The following SSPN variants were observed in gnomAD, a reference collection of about 807,000 sequenced individuals.
The protein encoded by SSPN is K-ras oncogene-associated protein.
In SSPN, 15 loss-of-function variants were observed where a neutral mutation model predicts 19.1. The observed-to-expected ratio is 0.78, with a 90% CI of 0.52 to 1.21. The LOEUF is 1.21. SSPN is among the 50% of genes most tolerant of loss of function. The probability of loss-of-function intolerance (pLI) is 0.00; values close to 1 mark genes in which losing one functional copy is unlikely to be tolerated. For synonymous variants in SSPN, 147 were observed against 140.3 expected (o/e 1.05, Z -0.34); for missense variants, 291 against 314.0 (o/e 0.93, Z 0.55).
chr12:26,172,927 A>AT lies in SSPN; in HGVS notation c.-31+50780dup, dbSNP rs542002426. ...AATCTCCTATGTTGATTAGCTTCCA[A>AT]TTTTTATTTTATAGATACAATATCT... On this transcript the variant is annotated intron_variant, in intron 1 of 2. Transcript: ENST00000538142. Among the ~76,000 whole-genome samples the AT allele has an allele frequency of 3.5e-4, 53 of 152,020 alleles. 1 individual carries two copies. The South Asian group carries it at 0.011, about 30-fold the overall frequency.
rs1188845247 is a variant in SSPN, at chr12:26,135,057, C to A, written c.-31+12905C>A. On this transcript the variant is annotated intron_variant, in intron 1 of 2. Coordinates refer to the SSPN transcript ENST00000538142. ...TAAGTTGAGTTTCTCACTTGCAGAA[C>A]TTTTACTTCCTTTCGCAGTGTGCAT... The A allele has an allele frequency of 2.0e-5, 3 of 152,254 alleles. No individual in the cohort carries two copies. The East Asian group carries it at 5.8e-4, about 29-fold the overall frequency. 9.4% of individuals were successfully genotyped at this position (152,254 alleles called of 1,614,324 possible).
intron 1 of SSPN, chr12:26,126,517 T>A (rs1591841130): frequency 6.6e-6 from 1 of 152,200 alleles, no homozygotes; most frequent in Non-Finnish European, 1.5e-5. Flanking sequence ...GCCCGCTACG[T>A]GTCCCCCGGC....
intron 1 of SSPN, chr12:26,126,446 G>A (rs948218333): frequency 2.0e-5 from 3 of 152,254 alleles, no homozygotes; most frequent in African/African-American, 7.2e-5. Context: ...CCGGTGATAA[G>A]TGAACCGAGG....
intron 1 of SSPN, among the ~76,000 whole-genome samples, chr12:26,150,479 C>T (rs140620250): frequency 1.6e-3 from 242 of 152,298 alleles, no homozygotes; most frequent in Non-Finnish European, 2.5e-3. Context: ...GGAATGACTA[C>T]ATTGTTTCTT....
In SSPN at chr12:26,137,618, A is replaced by ATGTG. The variant is rs1239619291; in HGVS notation, c.-31+15478_-31+15481dup. On this transcript the variant is annotated intron_variant, in intron 1 of 2. Coordinates refer to the SSPN transcript ENST00000538142. Reference sequence around the variant, plus strand: ...TATATATATACACATATACATATATATGTGTGTGTGTGTGTATGTATATAT... The same window carrying ATGTG: ...TATATATATACACATATACATATATATGTGTGTGTGTGTGTGTGTATGTATATAT... 1.8e-4 allele frequency among the ~76,000 whole-genome samples: 21 copies of ATGTG among 116,312 alleles called. 2 individuals are homozygous for ATGTG. The highest frequency in any genetic ancestry group is 6.3e-4 in the African/African-American group (19 of 29,934). The allele number at this position is 116,312 out of a possible 152,430, so 76.3% of individuals were successfully genotyped here.
chr12:26,172,001 T>C (rs1189683628), intron 1 of SSPN, among the ~76,000 whole-genome samples: 1 of 152,180 alleles, frequency 6.6e-6, no homozygotes. Context: ...CATACCTGCC[T>C]CCTAGGTGTA....
At chr12:26,197,113 A>G (rs1453045705) in intron 1 of SSPN, among the ~76,000 whole-genome samples, 1 of 152,204 alleles carries the variant, frequency 6.6e-6, no homozygotes, top group Admixed American at 6.5e-5. Flanking sequence ...GAGAGACTAG[A>G]AATGACATTT....
intron 2 of SSPN, among the ~76,000 whole-genome samples, chr12:26,230,064 G>A (rs1047705812): frequency 6.6e-6 from 1 of 152,136 alleles, no homozygotes; most frequent in Non-Finnish European, 1.5e-5. Context: ...GGAATCACAT[G>A]GTCGTTGTTG....
intron 1 of SSPN, among the ~76,000 whole-genome samples, chr12:26,182,361 T>A (rs1263386913): frequency 1.3e-5 from 2 of 152,216 alleles, no homozygotes; most frequent in Non-Finnish European, 2.9e-5. Flanking sequence ...AAAATAAAAA[T>A]AACAGACTAA....
chr12:26,191,987 G>A (rs1017900610), upstream of SSPN, among the ~76,000 whole-genome samples: 1 of 152,150 alleles, frequency 6.6e-6, no homozygotes, highest in Non-Finnish European at 1.5e-5. Flanking sequence ...ATGTGTTTGA[G>A]AATATGTTGG....
chr12:26,160,147 G>A (rs546580641), intron 1 of SSPN, among the ~76,000 whole-genome samples: 10 of 152,328 alleles, frequency 6.6e-5, no homozygotes, highest in Non-Finnish European at 1.3e-4. Flanking sequence ...GTTGGAGCAG[G>A]CACTGCACTG....
At chr12:26,188,608 A>G (rs1944768609) in intron 1 of SSPN, among the ~76,000 whole-genome samples, 1 of 152,252 alleles carries the variant, frequency 6.6e-6, no homozygotes, top group Admixed American at 6.5e-5. Flanking sequence ...ATAAAAATGG[A>G]CAGACAAAAT....
rs932974066 is a variant in SSPN at position 26,234,495 on chromosome 12, A to C, written c.*3419A>C. 1 of 152,228 alleles carries C rather than the reference A, an allele frequency of 6.6e-6. No homozygotes were observed. Among genetic ancestry groups the C allele is most frequent in the African/African-American group, 2.4e-5 (1 of 41,460 alleles). 9.4% of individuals were successfully genotyped at this position (152,228 alleles called of 1,614,324 possible). A position where few individuals can be genotyped will look rare whatever the true frequency, so the allele number is the denominator to read the frequency against. ...GAACTGATGGCAAATGTATTGACTCACAGTGGAAACATTCATTTGGATGAA... is the reference window on the plus strand; with the variant it reads ...GAACTGATGGCAAATGTATTGACTCCCAGTGGAAACATTCATTTGGATGAA... On this transcript the variant is annotated 3_prime_UTR_variant, in exon 3 of 3. Transcript: ENST00000242729.
chr12:26,122,178 G>C lies in SSPN; in HGVS notation c.-31+26G>C, dbSNP rs1366030262. On this transcript the variant is annotated intron_variant, in intron 1 of 2. Coordinates refer to the SSPN transcript ENST00000538142. ...GTGGGTGCGGCCGTGCGGGTGCTGG[G>C]GGTGCGGCGCCCCAAGGGGCGCCAC... The C allele has an allele frequency of 1.7e-5, 25 of 1,498,774 alleles. No homozygotes were observed. Among genetic ancestry groups the C allele is most frequent in the Admixed American group, 2.3e-5 (1 of 43,670 alleles). 92.8% of individuals were successfully genotyped at this position (1,498,774 alleles called of 1,614,324 possible). A position where few individuals can be genotyped will look rare whatever the true frequency, so the allele number is the denominator to read the frequency against.
Position 26,232,634 on chromosome 12 carries a change from T to C in SSPN, c.*1558T>C, listed in dbSNP as rs528230032. 9.7e-5 allele frequency: 96 copies of C among 985,216 alleles called. No homozygotes were observed. The highest frequency in any genetic ancestry group is 5.2e-4 in the Middle Eastern group (1 of 1,914). 61.0% of individuals were successfully genotyped at this position (985,216 alleles called of 1,614,324 possible). A position where few individuals can be genotyped will look rare whatever the true frequency, so the allele number is the denominator to read the frequency against. ...GGAATAATTCCACTGATTGTGATAATGGTTTCAATTTCTACACAATATAAA... is the reference window on the plus strand; with the variant it reads ...GGAATAATTCCACTGATTGTGATAACGGTTTCAATTTCTACACAATATAAA... On this transcript the variant is annotated 3_prime_UTR_variant, in exon 3 of 3. Transcript: ENST00000242729.
intron 1 of SSPN, among the ~76,000 whole-genome samples, chr12:26,201,566 G>C (rs2343870): frequency 0.11 from 16,846 of 151,468 alleles, 1,229 homozygotes; most frequent in Non-Finnish European, 0.17. Flanking sequence ...CCAAGAGAGT[G>C]TTTATATAAT....
intron 1 of SSPN, among the ~76,000 whole-genome samples, chr12:26,158,466 C>T (rs1043148865): frequency 4.6e-5 from 7 of 152,230 alleles, no homozygotes; most frequent in African/African-American, 1.4e-4. Flanking sequence ...CAGACAACAA[C>T]CTGGTAGGAA....
At chr12:26,170,120 A>G (rs1226845539) in intron 1 of SSPN, among the ~76,000 whole-genome samples, 2 of 152,192 alleles carry the variant, frequency 1.3e-5, no homozygotes, top group Non-Finnish European at 2.9e-5. Flanking sequence ...AATATAACCC[A>G]GTGGACTCCC....
chr12:26,190,871 GACTT>G (rs1460223898), upstream of SSPN, among the ~76,000 whole-genome samples: 5 of 152,158 alleles, frequency 3.3e-5, no homozygotes, highest in African/African-American at 1.2e-4. Context: ...AGATACAGAA[GACTT>G]ACTTCCATCA....
Sources: allele counts gnomAD v4.1 joint callset (sites outside exome capture counted in the v4.1 genomes callset), GRCh38; gene constraint gnomAD v4.1.1; transcripts MANE v1.5; gene names NCBI Gene and HGNC (gene_info 2026-07-23, HGNC 2026-07-21).